RIPOR3: variants seen among roughly 807,000 people sequenced by gnomAD.
RIPOR3 encodes family with sequence similarity 65 member C.
A neutral mutation model predicts 114.3 loss-of-function variants in RIPOR3; 95 were observed. The ratio of observed to expected loss-of-function variants is 0.83; its 90% CI spans 0.70 to 0.99. The LOEUF (loss-of-function observed/expected upper bound fraction) is 0.99, where lower values mean the gene tolerates loss of function less well. Among genes scored for constraint, RIPOR3 ranks in the 50% least tolerant of loss-of-function variants. The pLI is 0.00. For missense variants in RIPOR3, 1,252 were observed against 1,266.9 expected (o/e 0.99, Z 0.18); for synonymous variants, 575 against 543.8 (o/e 1.06, Z -0.80).
intron 1 of RIPOR3, among the ~76,000 whole-genome samples, chr20:50,642,592 C>T (rs1038854799): frequency 5.2e-5 from 7 of 134,724 alleles, no homozygotes; most frequent in East Asian, 2.3e-4. Flanking sequence ...GTCTCCATCT[C>T]CCCCCTCCCC....
Position 50,602,360 on chromosome 20 carries a change from T to TGGCAGGAGACCTGGG in RIPOR3, c.1356_1370dup (p.Pro453_Pro457dup), listed in dbSNP as rs1464908160. The TGGCAGGAGACCTGGG allele has an allele frequency of 2.7e-5, 43 of 1,613,566 alleles. No homozygotes were observed. The highest frequency in any genetic ancestry group is 3.3e-4 in the Middle Eastern group (2 of 6,072). ...GGCCTCCAGAGAGGTGGGCCATCTC[T>TGGCAGGAGACCTGGG]GGCAGGAGACCTGGGGGCAGGGGGT... On this transcript the variant is annotated inframe_insertion, in exon 13 of 22. Transcript: ENST00000327979. The surrounding 1 kb of genome is among the most constrained non-coding windows in gnomAD (Gnocchi z 4.3).
chr20:50,666,914 CCTGGGGAG>C (rs2086267551), intron 1 of RIPOR3, among the ~76,000 whole-genome samples: 2 of 152,144 alleles, frequency 1.3e-5, no homozygotes, highest in African/African-American at 4.8e-5. Context: ...CATGATCCCT[CCTGGGGAG>C]CTATCTTACG....
At chr20:50,645,820 G>C (rs2085381282) in intron 1 of RIPOR3, 1 of 152,280 alleles carries the variant, frequency 6.6e-6, no homozygotes, top group Non-Finnish European at 1.5e-5. Context: ...TTTGCTAGTG[G>C]AGGCTGTTAA....
intron 4 of RIPOR3, among the ~76,000 whole-genome samples, chr20:50,612,450 T>C (rs2084010501): frequency 6.6e-6 from 1 of 152,202 alleles, no homozygotes; most frequent in Non-Finnish European, 1.5e-5. Context: ...TTTCACTGGC[T>C]GTTAATTTCC....
intron 1 of RIPOR3, among the ~76,000 whole-genome samples, chr20:50,683,408 G>A (rs1465214847): frequency 5.3e-5 from 8 of 151,616 alleles, no homozygotes; most frequent in South Asian, 4.2e-4. Flanking sequence ...TGCCCTTTCA[G>A]TATGTCATTA....
At chr20:50,611,055 C>G in intron 5 of RIPOR3, 126 bp downstream of exon 5, 1 of 1,553,916 alleles carries the variant, frequency 6.4e-7, no homozygotes, top group East Asian at 2.2e-5. Flanking sequence ...ACTCAGCCTT[C>G]CCATTCCTAA....
intron 20 of RIPOR3, among the ~76,000 whole-genome samples, chr20:50,588,427 T>A (rs914880917): frequency 6.6e-6 from 1 of 152,270 alleles, no homozygotes; most frequent in Non-Finnish European, 1.5e-5. Context: ...CAATCTGTAC[T>A]GAATTATCTT....
rs184913115 is a variant in RIPOR3, at chr20:50,595,995, C to T, written c.1914+145G>A. On this transcript the variant is annotated intron_variant, in intron 15 of 21. Transcript: ENST00000327979. ...CAGACCCTGGTCTGCCTCTCTTCCACTGGGGAATAGCTTCAGTCTCACGGG... is the reference window on the plus strand; with the variant it reads ...CAGACCCTGGTCTGCCTCTCTTCCATTGGGGAATAGCTTCAGTCTCACGGG... 7 of 1,205,090 alleles carry T rather than the reference C, an allele frequency of 5.8e-6. No individual in the cohort carries two copies. In the East Asian group the frequency reaches 1.2e-4, roughly 21 times the overall value. The allele number at this position is 1,205,090 out of a possible 1,614,324, so 74.6% of individuals were successfully genotyped here.
chr20:50,656,017 T>G (rs1206185597), intron 1 of RIPOR3, among the ~76,000 whole-genome samples: 2 of 151,418 alleles, frequency 1.3e-5, no homozygotes, highest in African/African-American at 4.9e-5. Context: ...TCTTTTTTTC[T>G]TTTTTTTTGA....
intron 19 of RIPOR3, among the ~76,000 whole-genome samples, chr20:50,590,257 G>T (rs116083969): frequency 7.9e-5 from 12 of 152,232 alleles, no homozygotes; most frequent in Non-Finnish European, 1.5e-4. Flanking sequence ...GGCCACATCA[G>T]TTCATGTCTT....
intron 19 of RIPOR3, chr20:50,590,099 A>G: frequency 3.3e-6 from 1 of 301,206 alleles, no homozygotes; most frequent in East Asian, 7.6e-5. Context: ...TCAGAACAAC[A>G]GAAGAACTGA....
chr20:50,587,771 G>T (rs754855419), intron 21 of RIPOR3, 31 bp downstream of exon 21: 7 of 1,609,926 alleles, frequency 4.3e-6, no homozygotes, highest in Non-Finnish European at 5.1e-6. Context: ...CAGGCACCCC[G>T]CTGCGCTGCA....
intron 1 of RIPOR3, among the ~76,000 whole-genome samples, chr20:50,658,275 A>G (rs1009138793): frequency 1.3e-5 from 2 of 152,258 alleles, no homozygotes; most frequent in African/African-American, 4.8e-5. Context: ...CTTAAAAAGG[A>G]AGAAAATGTT....
chr20:50,651,307 G>T (rs1356386315), intron 1 of RIPOR3, among the ~76,000 whole-genome samples: 1 of 152,190 alleles, frequency 6.6e-6, no homozygotes, highest in African/African-American at 2.4e-5. Context: ...TTTGTCCCCA[G>T]ATCCTCCAGA....
chr20:50,616,176 CACGGGGCTCA>C, intron 3 of RIPOR3, 96 bp from the exon 4 acceptor site: 1 of 1,284,330 alleles, frequency 7.8e-7, no homozygotes, highest in Non-Finnish European at 1.1e-6. Flanking sequence ...GGAGAGCAGA[CACGGGGCTCA>C]GCGGGGCTCA....
chr20:50,604,101 G>C (rs2083604440), intron 12 of RIPOR3, among the ~76,000 whole-genome samples: 1 of 151,878 alleles, frequency 6.6e-6, no homozygotes, highest in East Asian at 1.9e-4. Flanking sequence ...AGAATCGCTT[G>C]AACCTGGGAG....
intron 1 of RIPOR3, among the ~76,000 whole-genome samples, chr20:50,631,578 CT>C (rs1011161607): frequency 3.8e-4 from 58 of 152,284 alleles, no homozygotes; most frequent in African/African-American, 1.3e-3. Flanking sequence ...GGGGCTTGGC[CT>C]TACAATGGGG....
intron 1 of RIPOR3, among the ~76,000 whole-genome samples, chr20:50,664,752 G>C (rs1224399377): frequency 2.0e-5 from 3 of 152,222 alleles, no homozygotes; most frequent in Non-Finnish European, 1.5e-5. Flanking sequence ...CTGTGTATGG[G>C]CTCACTAGGA....
chr20:50,666,194 T>TTTC (rs67353338), intron 1 of RIPOR3, among the ~76,000 whole-genome samples: 293 of 28,084 alleles, frequency 0.01, 25 homozygotes, highest in African/African-American at 0.018. Context: ...TTTCTTTTCT[T>TTTC]TTCTTTTCTT....
Sources: gnomAD v4.1 joint callset for allele counts (sites outside exome capture counted in the v4.1 genomes callset) on GRCh38, gnomAD v4.1.1 for gene constraint, Gnocchi (gnomAD v3.1) non-coding constraint, MANE v1.5 for transcripts, NCBI Gene and HGNC (gene_info 2026-07-23, HGNC 2026-07-21) for gene names.